Variants in AGBL4 observed in about 807,000 individuals in gnomAD.
AGBL4 encodes the protein cytosolic carboxypeptidase 6.
A neutral mutation model predicts 66.4 loss-of-function variants in AGBL4; 58 were observed. The observed-to-expected ratio is 0.87, with a 90% CI of 0.71 to 1.09. AGBL4 has a LOEUF of 1.09. Among genes scored for constraint, AGBL4 ranks in the 50% least tolerant of loss-of-function variants. The probability of loss-of-function intolerance (pLI) is 0.00; values close to 1 mark genes in which losing one functional copy is unlikely to be tolerated. For synonymous variants in AGBL4, 234 were observed against 222.9 expected (o/e 1.05, Z -0.44); for missense variants, 579 against 631.0 (o/e 0.92, Z 0.88).
intron 1 of AGBL4, among the ~76,000 whole-genome samples, chr1:49,875,640 A>T (rs1188754656): frequency 6.7e-6 from 1 of 149,026 alleles, no homozygotes; most frequent in East Asian, 2.0e-4. Flanking sequence ...TCTTTATAGC[A>T]GCATGATTTA....
intron 3 of AGBL4, among the ~76,000 whole-genome samples, chr1:49,338,163 A>G (rs781624713): frequency 5.1e-4 from 77 of 152,302 alleles, no homozygotes; most frequent in Non-Finnish European, 7.2e-4. Flanking sequence ...GAGGAAAACA[A>G]AACAGTCTGT....
chr1:49,116,597 C>T (rs1392228601), intron 4 of AGBL4, among the ~76,000 whole-genome samples: 1 of 152,216 alleles, frequency 6.6e-6, no homozygotes, highest in African/African-American at 2.4e-5. Context: ...GTATGTCCCA[C>T]ATTTTCTTGA....
intron 2 of AGBL4, among the ~76,000 whole-genome samples, chr1:49,773,766 C>A (rs953193452): frequency 1.3e-5 from 2 of 152,178 alleles, no homozygotes; most frequent in Non-Finnish European, 2.9e-5. Context: ...CCCTCTCCAA[C>A]GGAGTGGTGC....
intron 3 of AGBL4, among the ~76,000 whole-genome samples, chr1:49,381,558 A>T (rs1402698171): frequency 1.3e-5 from 2 of 152,220 alleles, no homozygotes; most frequent in South Asian, 2.1e-4. Flanking sequence ...TATGTTTATT[A>T]CGGCGTTATT....
intron 2 of AGBL4, chr1:49,846,236 C>G (rs1372536417): frequency 6.8e-7 from 1 of 1,462,850 alleles, no homozygotes; most frequent in East Asian, 2.3e-5. Flanking sequence ...TGGGGAAAAG[C>G]CTTATGAGTG....
At chr1:48,541,770 C>T (rs1271946127) in intron 11 of AGBL4, among the ~76,000 whole-genome samples, 1 of 151,344 alleles carries the variant, frequency 6.6e-6, no homozygotes, top group Non-Finnish European at 1.5e-5. Context: ...ACTCCATCTC[C>T]AGAAAAAAAT....
chr1:49,939,085 G>A (rs1450809529), intron 1 of AGBL4, among the ~76,000 whole-genome samples: 1 of 152,004 alleles, frequency 6.6e-6, no homozygotes, highest in African/African-American at 2.4e-5. Context: ...CAAATCATGA[G>A]TGAACTCCCA....
intron 3 of AGBL4, among the ~76,000 whole-genome samples, chr1:49,467,782 A>C (rs998575294): frequency 1.3e-5 from 2 of 151,908 alleles, no homozygotes; most frequent in Non-Finnish European, 2.9e-5. Flanking sequence ...TTATTCACAC[A>C]TTCGACTAAA....
At chr1:49,696,003 G>A (rs1193058478) in intron 3 of AGBL4, among the ~76,000 whole-genome samples, 1 of 152,064 alleles carries the variant, frequency 6.6e-6, no homozygotes, top group Non-Finnish European at 1.5e-5. Context: ...TGAGAAGCAA[G>A]CAATCAAGGG....
chr1:48,539,782 GAC>G, intron 11 of AGBL4, 44 bp from the exon 12 acceptor site: 2 of 1,326,098 alleles, frequency 1.5e-6, no homozygotes, highest in South Asian at 3.3e-5. Context: ...AACAGATTGA[GAC>G]AGAGTGAAAA....
chr1:48,640,596 A>G (rs1225383688), intron 8 of AGBL4, among the ~76,000 whole-genome samples: 1 of 152,240 alleles, frequency 6.6e-6, no homozygotes, highest in Non-Finnish European at 1.5e-5. Flanking sequence ...ATAAAATCCA[A>G]GAAAGATTTC....
At chr1:49,403,729 T>A (rs1466427369) in intron 3 of AGBL4, among the ~76,000 whole-genome samples, 1 of 152,216 alleles carries the variant, frequency 6.6e-6, no homozygotes, top group Non-Finnish European at 1.5e-5. Context: ...TATCCAAAAC[T>A]GTTCAATATC....
chr1:49,981,389 TA>T lies in AGBL4; in HGVS notation c.34+42373del, dbSNP rs542173603. ...AAAGATTAGAGAATGAGTATATATT[TA>T]TATGTCTTAAAGTGTGTATGTACCA... is the stretch of plus-strand genomic sequence containing the variant. On this transcript the variant is annotated intron_variant, in intron 1 of 13. Transcript: ENST00000371839. 2.2e-4 allele frequency among the ~76,000 whole-genome samples: 33 copies of T among 152,276 alleles called. No homozygotes were observed. In the South Asian group the frequency reaches 6.8e-3, roughly 32 times the overall value.
intron 1 of AGBL4, among the ~76,000 whole-genome samples, chr1:49,891,244 T>A (rs1383106345): frequency 6.6e-6 from 1 of 152,158 alleles, no homozygotes. Flanking sequence ...ATTGTACACT[T>A]CTGATGCAAA....
chr1:49,606,530 G>T (rs1645066337), intron 3 of AGBL4, among the ~76,000 whole-genome samples: 1 of 152,070 alleles, frequency 6.6e-6, no homozygotes, highest in Non-Finnish European at 1.5e-5. Context: ...CAGAAATATG[G>T]CCTGAAGCTG....
At chr1:48,720,447 C>A (rs1210878379) in intron 6 of AGBL4, among the ~76,000 whole-genome samples, 1 of 152,160 alleles carries the variant, frequency 6.6e-6, no homozygotes, top group Non-Finnish European at 1.5e-5. Context: ...ATTAAGACAC[C>A]AGACATTGGA....
At chr1:49,064,248 C>A (rs1644453006) in intron 4 of AGBL4, among the ~76,000 whole-genome samples, 1 of 152,134 alleles carries the variant, frequency 6.6e-6, no homozygotes, top group African/African-American at 2.4e-5. Flanking sequence ...CATCTATTTC[C>A]TCTTCTCAAT....
intron 1 of AGBL4, among the ~76,000 whole-genome samples, chr1:50,003,842 C>T (rs1039926994): frequency 6.6e-6 from 1 of 152,142 alleles, no homozygotes; most frequent in Non-Finnish European, 1.5e-5. Flanking sequence ...TTTCTACATT[C>T]TTTGAAAAAG....
chr1:49,316,853 A>T (rs1645047751), intron 3 of AGBL4, among the ~76,000 whole-genome samples: 1 of 151,886 alleles, frequency 6.6e-6, no homozygotes, highest in Non-Finnish European at 1.5e-5. Flanking sequence ...ATCCCAAACT[A>T]AAGGATAGGT....
Sources: gnomAD v4.1 joint callset for allele counts (sites outside exome capture counted in the v4.1 genomes callset) on GRCh38, gnomAD v4.1.1 for gene constraint, MANE v1.5 for transcripts, NCBI Gene and HGNC (gene_info 2026-07-23, HGNC 2026-07-21) for gene names.